The following ARHGEF4 variants were observed in gnomAD, a reference collection of about 807,000 sequenced individuals.
The protein encoded by ARHGEF4 is Rho guanine nucleotide exchange factor 4, also known as APC-stimulated guanine nucleotide exchange factor 1.
ARHGEF4 carries 119 observed loss-of-function variants against 162.0 expected under a neutral mutation model. That is an observed-to-expected ratio of 0.73 (90% CI 0.63 to 0.86). ARHGEF4 has a LOEUF of 0.86. ARHGEF4 is among the 40% of genes least tolerant of loss of function. The pLI is 0.00. For synonymous variants in ARHGEF4, 1,014 were observed against 979.9 expected, an observed-to-expected ratio of 1.03 and a Z score of -0.65; for missense variants, 2,488 against 2,456.0, an observed-to-expected ratio of 1.01 and a Z score of -0.28.
chr2:130,977,731 G>A (rs1685852383), intron 4 of ARHGEF4, among the ~76,000 whole-genome samples: 1 of 151,944 alleles, frequency 6.6e-6, no homozygotes, highest in African/African-American at 2.4e-5. Context: ...CGTGTGTGGT[G>A]TTTCATGTGT....
At chr2:130,864,695 A>G (rs894244694) in intron 1 of ARHGEF4, among the ~76,000 whole-genome samples, 1 of 152,158 alleles carries the variant, frequency 6.6e-6, no homozygotes, top group Non-Finnish European at 1.5e-5. Flanking sequence ...CTGCACTCCA[A>G]TCTGGGCGAC....
chr2:130,985,208 A>G (rs1558807070), intron 4 of ARHGEF4, among the ~76,000 whole-genome samples: 1 of 152,182 alleles, frequency 6.6e-6, no homozygotes, highest in Non-Finnish European at 1.5e-5. Flanking sequence ...AGGCAAAGCC[A>G]AAGAGAGATG....
chr2:130,837,092 C>T (rs968711074), intron 1 of ARHGEF4, 100 bp downstream of exon 1: 2 of 1,133,500 alleles, frequency 1.8e-6, no homozygotes, highest in African/African-American at 1.6e-5. Context: ...GGGCCGTCCC[C>T]TGGGCACCCG....
At chr2:130,846,842 C>CTGA (rs1331318889) in intron 1 of ARHGEF4, among the ~76,000 whole-genome samples, 4 of 152,134 alleles carry the variant, frequency 2.6e-5, no homozygotes, top group African/African-American at 9.7e-5. Context: ...TCTTGTTCTT[C>CTGA]TGATTCATCG....
In ARHGEF4 at chr2:130,922,199, G is replaced by A. The variant is rs1287253292; in HGVS notation, c.3552+4701G>A. 1.3e-5 allele frequency among the ~76,000 whole-genome samples: 2 copies of A among 151,798 alleles called. 1 individual carries two copies. The highest frequency in any genetic ancestry group is 3.9e-4 in the East Asian group (2 of 5,070). On this transcript the variant is annotated intron_variant, in intron 2 of 13. Coordinates refer to ENST00000409359, the MANE Select transcript of ARHGEF4 (RefSeq NM_001367493.1). ...AGCCTGACCAACATGGAGAAACCCT[G>A]TCTCTACTAAAAACCACAAAAATTA... is the stretch of plus-strand genomic sequence containing the variant.
rs66609529 is a variant in ARHGEF4, at chr2:130,845,992, C to T, written c.39+9000C>T. Among the ~76,000 whole-genome samples the T allele has an allele frequency of 3.2e-3, 486 of 152,222 alleles. 4 individuals carry two copies. Among genetic ancestry groups the T allele is most frequent in the African/African-American group, 0.011 (446 of 41,526 alleles). On this transcript the variant is annotated intron_variant, in intron 1 of 13. Transcript: ENST00000409359. ...TGGAGATTTGCTGCTGACTGTGCAC[C>T]GGTCGAAACCCTCAGGTTGTGCTTC...
intron 1 of ARHGEF4, among the ~76,000 whole-genome samples, chr2:130,870,847 A>AGCTG (rs1678431698): frequency 1.3e-5 from 2 of 152,046 alleles, no homozygotes; most frequent in Admixed American, 6.6e-5. Flanking sequence ...GGGAGCTCGA[A>AGCTG]GCTGGCTGAC....
intron 5 of ARHGEF4, chr2:131,035,039 T>C (rs1690139516): frequency 1.0e-6 from 1 of 991,730 alleles, no homozygotes; most frequent in Non-Finnish European, 1.2e-6. Context: ...GGCCACCGGC[T>C]CGGCCCTGTG....
chr2:130,968,422 G>A (rs934818593), intron 4 of ARHGEF4, among the ~76,000 whole-genome samples: 77 of 152,238 alleles, frequency 5.1e-4, no homozygotes, highest in Non-Finnish European at 1.1e-3. Flanking sequence ...GTAAGGAACA[G>A]TTTGGTAAGA....
intron 3 of ARHGEF4, among the ~76,000 whole-genome samples, chr2:130,937,900 C>T (rs968733654): frequency 1.3e-5 from 2 of 152,068 alleles, no homozygotes; most frequent in African/African-American, 4.8e-5. Context: ...ATCTCCTGAC[C>T]TCGTGATCTG....
chr2:131,045,840 C>CT (rs1691208186), intron 13 of ARHGEF4, 198 bp from the exon 14 acceptor site: 2 of 1,452,342 alleles, frequency 1.4e-6, no homozygotes, highest in South Asian at 2.9e-5. Flanking sequence ...TGCAGGAGGC[C>CT]AGGCCCAGGC....
chr2:130,915,061 A>T lies in ARHGEF4; in HGVS notation c.1115A>T (p.Asp372Val). 6.4e-7 allele frequency: 1 copy of T among 1,550,640 alleles called. No individual in the cohort carries two copies. The highest frequency in any genetic ancestry group is 1.2e-5 in the South Asian group (1 of 84,052). ...HVKEGAKNER[D>V]PRIQNIPSPA... Reference sequence around the variant, plus strand: ...AAGGAAGGGGCCAAAAATGAACGAGATCCAAGAATACAAAACATCCCTTCC... The same window carrying T: ...AAGGAAGGGGCCAAAAATGAACGAGTTCCAAGAATACAAAACATCCCTTCC... The change falls in exon 2 of 14, where the codon GAT (aspartate) becomes GTT (valine). Residue 372 changes from aspartate to valine, a missense_variant. Around this residue, in one of 6 missense-constraint regions of ARHGEF4, gnomAD observed 1,642 missense variants for 1,481.5 expected, o/e 1.11. Coordinates refer to ENST00000409359, the MANE Select transcript of ARHGEF4 (RefSeq NM_001367493.1).
In ARHGEF4 at chr2:131,046,322, C is replaced by T. The variant is rs953520279; in HGVS notation, c.*133C>T. On this transcript the variant is annotated 3_prime_UTR_variant, in exon 14 of 14. Coordinates refer to ENST00000409359, the MANE Select transcript of ARHGEF4 (RefSeq NM_001367493.1). ...GGATGGGCTGGGGAGTTGCTTGTGC[C>T]ACCAAGACGTGCCAGGTCTGTACTC... The T allele has an allele frequency of 1.7e-5, 16 of 931,918 alleles. No homozygotes were observed. The highest frequency in any genetic ancestry group is 2.5e-5 in the Non-Finnish European group (16 of 628,188). The allele number at this position is 931,918 out of a possible 1,614,324, so 57.7% of individuals were successfully genotyped here.
At position 131,044,426 on chromosome 2, in the gene ARHGEF4, A is replaced by G. The variant is rs1334615401; in HGVS notation, c.5285A>G (p.His1762Arg). 1 of 1,566,912 alleles carries G rather than the reference A, an allele frequency of 6.4e-7. No individual in the cohort carries two copies. Among genetic ancestry groups the G allele is most frequent in the Non-Finnish European group, 8.7e-7 (1 of 1,155,826 alleles). The change falls in exon 12 of 14, where the codon CAC (histidine) becomes CGC (arginine). Residue 1762 changes from histidine to arginine, a missense_variant. Physicochemically the swap from His to Arg is conservative, Grantham distance 29. This residue lies in a region of ARHGEF4 where 415 missense variants were observed against 512.4 expected (regional missense o/e 0.81). Coordinates refer to ENST00000409359, the MANE Select transcript of ARHGEF4 (RefSeq NM_001367493.1). ...AGCATCAAGAACGCCTTCCGGCTGC[A>G]CCGTGGCGCCACAGGGGACAGCCAC... ...HVSIKNAFRL[H>R]RGATGDSHLL...
intron 3 of ARHGEF4, among the ~76,000 whole-genome samples, chr2:130,941,371 T>G (rs1044788565): frequency 6.6e-6 from 1 of 151,884 alleles, no homozygotes; most frequent in Non-Finnish European, 1.5e-5. Context: ...GCCTGGCTAA[T>G]TTTTGTATTT....
At chr2:130,923,830 A>G (rs772395009) in intron 2 of ARHGEF4, among the ~76,000 whole-genome samples, 12 of 151,924 alleles carry the variant, frequency 7.9e-5, no homozygotes, top group Non-Finnish European at 1.5e-4. Context: ...CAGTCTTGCC[A>G]TCGCCATTGG....
chr2:131,041,710 G>T, intron 9 of ARHGEF4, 105 bp from the exon 10 acceptor site: 1 of 1,483,256 alleles, frequency 6.7e-7, no homozygotes, highest in Non-Finnish European at 9.1e-7. Flanking sequence ...TGGTCAAAGG[G>T]CACAGCCCCA....
rs112399891 is a variant in ARHGEF4 at position 130,942,249 on chromosome 2, A to G, written c.3859-4260A>G. On this transcript the variant is annotated intron_variant, in intron 3 of 13. Transcript: ENST00000409359. ...ATTGCAACCTCCTCCTCCCGGGTTCATGCCATTCTCCTGCCTCAGCCTCCT... is the reference window on the plus strand; with the variant it reads ...ATTGCAACCTCCTCCTCCCGGGTTCGTGCCATTCTCCTGCCTCAGCCTCCT... Among the ~76,000 whole-genome samples, 1,177 of 147,278 alleles carry G rather than the reference A, an allele frequency of 8.0e-3. 6 individuals carry two copies. Among genetic ancestry groups the G allele is most frequent in the Middle Eastern group, 0.025 (7 of 276 alleles).
intron 2 of ARHGEF4, among the ~76,000 whole-genome samples, chr2:130,924,292 T>G (rs1682087506): frequency 6.6e-6 from 1 of 150,808 alleles, no homozygotes; most frequent in South Asian, 2.1e-4. Context: ...TTTTTTTTTT[T>G]TTGAGACCGA....
Sources: gnomAD v4.1 joint callset for allele counts (sites outside exome capture counted in the v4.1 genomes callset) on GRCh38, gnomAD v4.1.1 for gene constraint, gnomAD v4.1.1 regional missense constraint, MANE v1.5 for transcripts, NCBI Gene and HGNC (gene_info 2026-07-23, HGNC 2026-07-21) for gene names.